Variants in NCOR2 observed in about 807,000 individuals in gnomAD.
NCOR2 encodes nuclear receptor corepressor 2, also known as CTG repeat protein 26.
Under a neutral mutation model 262.9 loss-of-function variants are expected in NCOR2, and 81 were observed. The observed-to-expected ratio is 0.31, with a 90% CI of 0.26 to 0.37. NCOR2 has a LOEUF of 0.37. NCOR2 is among the 10% of genes least tolerant of loss of function. The pLI is 1.00. For synonymous variants in NCOR2, 1,659 were observed against 1,559.3 expected (o/e 1.06, Z -1.51); for missense variants, 3,385 against 3,621.4 (o/e 0.93, Z 1.68).
rs200130270 is a variant in NCOR2 at position 124,333,278 on chromosome 12, A to G, written c.6607T>C (p.Ser2203Pro). Reference sequence around the variant, plus strand: ...ACCGACGTCTTGTTTGGCTCTGGAGACCTGGATGGAGAAAGGGCCCCAGAT... The same window carrying G: ...ACCGACGTCTTGTTTGGCTCTGGAGGCCTGGATGGAGAAAGGGCCCCAGAT... The change falls in exon 42 of 47, where the codon TCT (serine) becomes CCT (proline). Residue 2203 changes from serine (S) to proline (P), a missense_variant and splice_region_variant. Transcript: ENST00000405201. The G allele has an allele frequency of 3.8e-6, 6 of 1,599,576 alleles. No individual in the cohort carries two copies. In the Admixed American group the frequency reaches 1.0e-4, roughly 27 times the overall value.
chr12:124,530,129 G>A (rs940632354), intron 1 of NCOR2: 4 of 152,162 alleles, frequency 2.6e-5, no homozygotes, highest in African/African-American at 9.7e-5. Context: ...TTAGCCATGA[G>A]AAAGAATGAA....
rs531236877 is a variant in NCOR2, at chr12:124,335,007, A to G, written c.6411+128T>C. 4.7e-5 allele frequency: 67 copies of G among 1,415,990 alleles called. No homozygotes were observed. The South Asian group carries it at 7.6e-4, about 16-fold the overall frequency. 87.7% of individuals were successfully genotyped at this position (1,415,990 alleles called of 1,614,324 possible). A position where few individuals can be genotyped will look rare whatever the true frequency, so the allele number is the denominator to read the frequency against. The stretch of plus-strand genomic sequence containing the variant: ...CCTCACCCACGCCCTGGATCCCCCC[A>G]GCGCCATGCCCTGGATCCCCCAGCC... On this transcript the variant is annotated intron_variant, in intron 40 of 46. Transcript: ENST00000405201.
At chr12:124,442,031 C>T (rs2044839061) in intron 7 of NCOR2, among the ~76,000 whole-genome samples, 1 of 152,236 alleles carries the variant, frequency 6.6e-6, no homozygotes, top group Admixed American at 6.5e-5. Flanking sequence ...GAATCAGATC[C>T]TGGACCAGAA....
chr12:124,354,154 C>T, exon 27 of NCOR2: 2 of 1,609,738 alleles, frequency 1.2e-6, no homozygotes, highest in Non-Finnish European at 1.7e-6. Flanking sequence ...GCTGGGAATG[C>T]CTTTGGTGAT....
intron 1 of NCOR2, among the ~76,000 whole-genome samples, chr12:124,508,549 G>A (rs1011158206): frequency 3.3e-5 from 5 of 152,288 alleles, no homozygotes; most frequent in Admixed American, 2.6e-4. Flanking sequence ...GGAGGGGCCC[G>A]CAGGAAGGGG....
intron 1 of NCOR2, among the ~76,000 whole-genome samples, chr12:124,544,220 A>G (rs2051471393): frequency 6.6e-6 from 1 of 152,218 alleles, no homozygotes; most frequent in African/African-American, 2.4e-5. Context: ...GAGGAACATC[A>G]CAACACCTGC....
chr12:124,500,317 A>G (rs1425268713), intron 1 of NCOR2, among the ~76,000 whole-genome samples: 1 of 152,160 alleles, frequency 6.6e-6, no homozygotes, highest in Non-Finnish European at 1.5e-5. Flanking sequence ...GCACGGCTGC[A>G]GGGGTCTGTC....
chr12:124,437,832 C>T, intron 8 of NCOR2, 98 bp downstream of exon 10: 1 of 1,190,982 alleles, frequency 8.4e-7, no homozygotes, highest in Non-Finnish European at 1.2e-6. Flanking sequence ...GAGGACACAG[C>T]TGCGGAACTG....
chr12:124,381,535 A>G (rs145838175), intron 17 of NCOR2, among the ~76,000 whole-genome samples: 1 of 152,228 alleles, frequency 6.6e-6, no homozygotes, highest in East Asian at 1.9e-4. Context: ...AACAGTGTCT[A>G]GCACAGAACA....
rs188034900 is a variant in NCOR2, at chr12:124,566,688, G to A, written c.-165+620C>T. ...GGCCCAATGAGGCGTCACCAGCCAC[G>A]GGAGGCAGGCCCAGACACCAGGAAC... On this transcript the variant is annotated intron_variant, in intron 1 of 32. Coordinates refer to the NCOR2 transcript ENST00000458234. This position sits in a 1 kb window ranked among gnomAD's most constrained non-coding sequence, Gnocchi z 4.3. Among the ~76,000 whole-genome samples the A allele has an allele frequency of 2.0e-5, 3 of 152,352 alleles. No individual in the cohort carries two copies. The highest frequency in any genetic ancestry group is 7.2e-5 in the African/African-American group (3 of 41,592).
chr12:124,354,434 G>T lies in NCOR2; in HGVS notation c.3589+44C>A, dbSNP rs2037780467. ...ATAAAGGGCCCTTTGGGCACCCGAG[G>T]AACAGGGGCAGATGCTGGGGGCCCA... On this transcript the variant is annotated intron_variant, in intron 26 of 46. Transcript: ENST00000405201. 2.8e-6 allele frequency: 4 copies of T among 1,441,918 alleles called. No homozygotes were observed. In the East Asian group the frequency reaches 9.7e-5, roughly 35 times the overall value. The allele number at this position is 1,441,918 out of a possible 1,614,324, so 89.3% of individuals were successfully genotyped here.
chr12:124,546,674 A>C (rs1260954610), intron 1 of NCOR2, among the ~76,000 whole-genome samples: 4 of 152,064 alleles, frequency 2.6e-5, no homozygotes, highest in Non-Finnish European at 5.9e-5. Flanking sequence ...TGGCCTTTCA[A>C]AGTGCTGGGG....
exon 20 of NCOR2, chr12:124,372,546 G>A (rs1454760270): frequency 6.3e-7 from 1 of 1,597,926 alleles, no homozygotes; most frequent in South Asian, 1.1e-5. Context: ...TCTGCCCTGT[G>A]TCCTTGGCGG....
At chr12:124,427,947 G>A (rs938762804) in intron 10 of NCOR2, among the ~76,000 whole-genome samples, 1 of 152,068 alleles carries the variant, frequency 6.6e-6, no homozygotes, top group Non-Finnish European at 1.5e-5. Flanking sequence ...AGGCTGGCTG[G>A]GGAAGTTTCT....
chr12:124,385,840 C>T (rs1730312648), exon 17 of NCOR2: 3 of 1,613,918 alleles, frequency 1.9e-6, no homozygotes, highest in South Asian at 2.2e-5. Context: ...GTCTTGGAGC[C>T]CACCATCCGG....
intron 32 of NCOR2, among the ~76,000 whole-genome samples, chr12:124,343,642 T>C (rs2036651009): frequency 8.0e-6 from 1 of 125,424 alleles, no homozygotes. Flanking sequence ...TTTTTTTTTT[T>C]GAGATAAGAG....
Position 124,461,531 on chromosome 12 carries a change from G to T in NCOR2, c.706-4369C>A, listed in dbSNP as rs1205946034. On this transcript the variant is annotated intron_variant, in intron 5 of 46. Coordinates refer to ENST00000405201, the Ensembl canonical transcript of NCOR2. ...AAGTCCTTAGTCACCTATGCAGACG[G>T]GTCCACGGGAGCACCAGACCCACGT... Among the ~76,000 whole-genome samples, 8 of 152,240 alleles carry T rather than the reference G, an allele frequency of 5.3e-5. No individual in the cohort carries two copies. In the South Asian group the frequency reaches 1.4e-3, roughly 28 times the overall value.
intron 16 of NCOR2, among the ~76,000 whole-genome samples, chr12:124,390,453 C>T (rs1460799005): frequency 6.6e-6 from 1 of 151,776 alleles, no homozygotes; most frequent in Non-Finnish European, 1.5e-5. Flanking sequence ...TCAGAGAAGC[C>T]TTCCTTGCCC....
intron 16 of NCOR2, among the ~76,000 whole-genome samples, chr12:124,396,771 G>A (rs769970128): frequency 9.9e-5 from 15 of 152,128 alleles, no homozygotes; most frequent in Non-Finnish European, 1.2e-4. Context: ...CAGGGCTGTG[G>A]GGACCCTCAG....
Sources: allele counts gnomAD v4.1 joint callset (sites outside exome capture counted in the v4.1 genomes callset), GRCh38; gene constraint gnomAD v4.1.1; non-coding constraint Gnocchi (gnomAD v3.1); transcripts MANE v1.5; gene names NCBI Gene and HGNC (gene_info 2026-07-23, HGNC 2026-07-21).